Variants in NIN observed in about 807,000 individuals in gnomAD.
NIN encodes the protein ninein, also known as glycogen synthase kinase 3 beta-interacting protein.
In NIN, 137 loss-of-function variants were observed where a neutral mutation model predicts 257.6. That is an observed-to-expected ratio of 0.53 (90% CI 0.46 to 0.61). NIN has a LOEUF of 0.61. Among genes scored for constraint, NIN ranks in the 20% least tolerant of loss-of-function variants. The pLI is 0.00. For missense variants in NIN, 2,439 were observed against 2,501.2 expected (o/e 0.98, Z 0.53); for synonymous variants, 918 against 919.8 (o/e 1.00, Z 0.04).
At chr14:50,810,952 G>A (rs575366696) in intron 3 of NIN, among the ~76,000 whole-genome samples, 6 of 152,056 alleles carry the variant, frequency 3.9e-5, no homozygotes, top group East Asian at 1.9e-4. Context: ...GTGAGCCACC[G>A]CGCCCAGCCT....
chr14:50,805,093 G>A (rs962446699), intron 4 of NIN, among the ~76,000 whole-genome samples: 2 of 152,188 alleles, frequency 1.3e-5, no homozygotes, highest in African/African-American at 4.8e-5. Flanking sequence ...GTGGATTAGC[G>A]GCAGGACCGC....
chr14:50,733,410 C>G (rs2040818273), intron 28 of NIN, among the ~76,000 whole-genome samples: 2 of 152,134 alleles, frequency 1.3e-5, no homozygotes, highest in African/African-American at 4.8e-5. Flanking sequence ...GTTCCATTTC[C>G]TAATGAAAGT....
At chr14:50,770,736 G>A (rs1246574035) in intron 11 of NIN, 116 bp downstream of exon 11, 1 of 1,380,078 alleles carries the variant, frequency 7.2e-7, no homozygotes, top group Non-Finnish European at 9.7e-7. Flanking sequence ...AGCAAGGTGT[G>A]GCCAACAGGC....
chr14:50,741,805 G>A, intron 24 of NIN, 77 bp from the exon 25 acceptor site: 1 of 1,488,290 alleles, frequency 6.7e-7, no homozygotes, highest in East Asian at 2.3e-5. Flanking sequence ...GAATGAATAA[G>A]GACAAAAGAA....
chr14:50,766,999 T>G (rs1247548716), intron 12 of NIN, 109 bp from the exon 13 acceptor site: 1 of 733,970 alleles, frequency 1.4e-6, no homozygotes, highest in Non-Finnish European at 2.3e-6. Context: ...GATGTTTATC[T>G]ATCTTAAAAG....
chr14:50,766,498 A>ATGAT, intron 13 of NIN, 102 bp from the exon 14 acceptor site: 3 of 1,001,196 alleles, frequency 3.0e-6, no homozygotes, highest in Non-Finnish European at 4.7e-6. Context: ...TCTCTTGAGT[A>ATGAT]TGATAGGAAT....
chr14:50,760,734 G>T (rs1044878480), intron 16 of NIN, among the ~76,000 whole-genome samples: 2 of 152,060 alleles, frequency 1.3e-5, no homozygotes, highest in African/African-American at 4.8e-5. Flanking sequence ...GTGCAGTGGC[G>T]TAATTATGGC....
rs750043290 is a variant in NIN at position 50,771,341 on chromosome 14, C to T, written c.1109G>A (p.Arg370Gln). Residue 370 changes from arginine (R) to glutamine (Q), a missense_variant, in exon 10 of 31, where the codon CGG (arginine) becomes CAG (glutamine). Arg to Gln is a conservative substitution (Grantham distance 43, BLOSUM62 1). Around this residue, in one of 3 missense-constraint regions of NIN, gnomAD observed 2,043 missense variants for 2,050.2 expected, o/e 1.00. Transcript: ENST00000530997. ...CTTCTGCTCAACTCACAACAAATGC[C>T]GGATTTCAGCCTTAAAGCTGGCCAG... ...AALASFKAEI[R>Q]HLLERVDQVV... The T allele has an allele frequency of 2.0e-5, 32 of 1,613,728 alleles. No homozygotes were observed. Among genetic ancestry groups the T allele is most frequent in the Middle Eastern group, 1.7e-4 (1 of 6,034 alleles).
rs927840877 is a variant in NIN at position 50,722,522 on chromosome 14, C to T, written c.*941G>A. 1 of 208,630 alleles carries T rather than the reference C, an allele frequency of 4.8e-6. No individual in the cohort carries two copies. The highest frequency in any genetic ancestry group is 9.8e-6 in the Non-Finnish European group (1 of 102,308). 12.9% of individuals were successfully genotyped at this position (208,630 alleles called of 1,614,324 possible). On this transcript the variant is annotated 3_prime_UTR_variant, in exon 31 of 31. Transcript: ENST00000530997. ...TATACATTTCAAATTCTTAGAGAGG[C>T]CCTACAGTAGTTCAGGAAGACAGTT...
At chr14:50,728,147 A>G in intron 29 of NIN, among the ~76,000 whole-genome samples, 1 of 152,134 alleles carries the variant, frequency 6.6e-6, no homozygotes, top group East Asian at 1.9e-4. Flanking sequence ...GGTGGGTTGG[A>G]AACAGCAGGC....
Position 50,752,675 on chromosome 14 carries a change from T to C in NIN, c.4793A>G (p.Gln1598Arg). Residue 1598 changes from glutamine (Q) to arginine (R), a missense_variant, in exon 21 of 31, where the codon CAA becomes CGA. This residue lies in a region of NIN where 2,043 missense variants were observed against 2,050.2 expected (regional missense o/e 1.00). Transcript: ENST00000530997. ...QLDLENTELSQKNSQNQEKLQ... is the reference protein window; with the variant it reads ...QLDLENTELSRKNSQNQEKLQ... ...TTTTTCCTGGTTTTGAGAGTTCTTT[T>C]GGCTAAGTTCTGTATTTTCCAAATC... 6.2e-7 allele frequency: 1 copy of C among 1,613,680 alleles called. No homozygotes were observed. Among genetic ancestry groups the C allele is most frequent in the Non-Finnish European group, 8.5e-7 (1 of 1,179,706 alleles).
At chr14:50,795,208 T>C (rs372769592) in intron 4 of NIN, among the ~76,000 whole-genome samples, 1 of 152,236 alleles carries the variant, frequency 6.6e-6, no homozygotes, top group African/African-American at 2.4e-5. Flanking sequence ...CTCATCACTT[T>C]ATTTTCCAAA....
intron 14 of NIN, among the ~76,000 whole-genome samples, chr14:50,764,885 G>T (rs556576669): frequency 6.6e-6 from 1 of 151,672 alleles, no homozygotes; most frequent in Non-Finnish European, 1.5e-5. Flanking sequence ...AATTGAATGC[G>T]GTGATGTTTG....
intron 5 of NIN, 49 bp downstream of exon 5, chr14:50,792,663 G>A: frequency 3.1e-6 from 5 of 1,605,504 alleles, no homozygotes; most frequent in Non-Finnish European, 3.4e-6. Flanking sequence ...GCACTGACGT[G>A]GGGCTCCACA....
Position 50,766,383 on chromosome 14 carries a change from T to C in NIN, c.1559A>G (p.Asp520Gly). The stretch of plus-strand genomic sequence containing the variant: ...CAGGAAGAACTCAGCACTGCTAGGA[T>C]CGAGGTCACCAAACTAGAAGGGGAA... The part of the protein sequence containing the change: ...NVLAEKFGDL[D>G]PSSAEFFLQE... The change falls in exon 14 of 31, where the codon GAT becomes GGT. Residue 520 changes from aspartate (D) to glycine (G), a missense_variant. By Grantham distance (94) the Asp-to-Gly change is moderately conservative. Around this residue, in one of 3 missense-constraint regions of NIN, gnomAD observed 2,043 missense variants for 2,050.2 expected, o/e 1.00. Transcript: ENST00000530997. 1 of 1,614,152 alleles carries C rather than the reference T, an allele frequency of 6.2e-7. No homozygotes were observed. The highest frequency in any genetic ancestry group is 1.3e-5 in the African/African-American group (1 of 75,044).
intron 4 of NIN, among the ~76,000 whole-genome samples, chr14:50,803,401 G>A (rs1227673339): frequency 6.6e-6 from 1 of 152,116 alleles, no homozygotes; most frequent in African/African-American, 2.4e-5. Flanking sequence ...GGTATAAGAT[G>A]AACTAAGCAT....
At position 50,823,419 on chromosome 14, in the gene NIN, G is replaced by A. The variant is rs116710599; in HGVS notation, c.-21-1342C>T. On this transcript the variant is annotated intron_variant, in intron 2 of 30. Coordinates refer to ENST00000530997, the MANE Select transcript of NIN (RefSeq NM_020921.4). The stretch of plus-strand genomic sequence containing the variant: ...AGAACTCTCTAACTTAGAGGTGATC[G>A]TCCATACGGCAGATCATTACAACAT... 4.1e-3 allele frequency: 1,682 copies of A among 412,408 alleles called. 18 individuals carry two copies. The highest frequency in any genetic ancestry group is 0.031 in the African/African-American group (1,485 of 47,962). 25.5% of individuals were successfully genotyped at this position (412,408 alleles called of 1,614,324 possible). A position where few individuals can be genotyped will look rare whatever the true frequency, so the allele number is the denominator to read the frequency against.
At chr14:50,743,130 T>C (rs2041368246) in intron 24 of NIN, among the ~76,000 whole-genome samples, 1 of 136,998 alleles carries the variant, frequency 7.3e-6, no homozygotes, top group Non-Finnish European at 1.6e-5. Flanking sequence ...GACACCAGGC[T>C]TTTTTTTTTT....
intron 28 of NIN, 46 bp from the exon 29 acceptor site, chr14:50,729,769 C>A (rs758423413): frequency 7.0e-7 from 1 of 1,424,898 alleles, no homozygotes; most frequent in South Asian, 1.4e-5. Flanking sequence ...CCCTTCAATC[C>A]CAGAGCTGCC....
Sources: allele counts gnomAD v4.1 joint callset (sites outside exome capture counted in the v4.1 genomes callset), GRCh38; gene constraint gnomAD v4.1.1; regional missense constraint gnomAD v4.1.1; transcripts MANE v1.5; gene names NCBI Gene and HGNC (gene_info 2026-07-23, HGNC 2026-07-21).